Variants in HDLBP observed in about 807,000 individuals in gnomAD.
HDLBP encodes high density lipoprotein binding protein.
Under a neutral mutation model 137.3 loss-of-function variants are expected in HDLBP, and 30 were observed. The ratio of observed to expected loss-of-function variants is 0.22; its 90% confidence interval spans 0.16 to 0.30. The LOEUF (loss-of-function observed/expected upper bound fraction) is 0.30, where lower values mean the gene tolerates loss of function less well. HDLBP is among the 10% of genes least tolerant of loss of function. The pLI is 1.00. For missense variants in HDLBP, 1,119 were observed against 1,667.3 expected (o/e 0.67, Z 5.73); for synonymous variants, 606 against 596.0 (o/e 1.02, Z -0.24).
chr2:241,267,659 A>C (rs1473109602), intron 2 of HDLBP: 4 of 1,535,570 alleles, frequency 2.6e-6, no homozygotes, highest in East Asian at 2.4e-5. Context: ...CCAGGCCCCA[A>C]ACTAAACCAC....
In HDLBP at chr2:241,277,095, T is replaced by G. The variant is rs1441298362; in HGVS notation, c.-102-8554A>C. Among the ~76,000 whole-genome samples the G allele has an allele frequency of 2.0e-5, 3 of 152,142 alleles. No homozygotes were observed. In the East Asian group the frequency reaches 5.8e-4, roughly 29 times the overall value. On this transcript the variant is annotated intron_variant, in intron 1 of 27. Transcript: ENST00000310931. ...TAAAAATTTAAAGACTATATAAGTT[T>G]TAAAACTTGCTTCTAAGTAACTCAT...
intron 1 of HDLBP, among the ~76,000 whole-genome samples, chr2:241,279,012 GAGA>G (rs1184955587): frequency 1.3e-5 from 2 of 152,106 alleles, no homozygotes. Context: ...GCAACAGCGT[GAGA>G]CTCTGTCCCC....
intron 12 of HDLBP, 81 bp downstream of exon 12, chr2:241,249,760 C>T (rs1306990610): frequency 8.0e-6 from 11 of 1,381,172 alleles, no homozygotes; most frequent in African/African-American, 1.4e-5. Context: ...TAAGGCCGCA[C>T]ACCACAACAC....
chr2:241,309,841 G>A (rs2075709993), intron 1 of HDLBP, among the ~76,000 whole-genome samples: 1 of 152,192 alleles, frequency 6.6e-6, no homozygotes, highest in Admixed American at 6.5e-5. Context: ...CTCCTCACTT[G>A]GCCACTCAGC....
At chr2:241,265,449 C>T (rs1056879571) in intron 3 of HDLBP, among the ~76,000 whole-genome samples, 2 of 152,160 alleles carry the variant, frequency 1.3e-5, no homozygotes, top group Non-Finnish European at 2.9e-5. Flanking sequence ...CAATTGTCAC[C>T]GCTGATCTCC....
chr2:241,288,132 C>T (rs58226367), intron 1 of HDLBP, among the ~76,000 whole-genome samples: 48,314 of 152,144 alleles, frequency 0.32, 8,408 homozygotes, highest in East Asian at 0.51. Context: ...AAAGAGGACA[C>T]TTAAGTATCA....
intron 16 of HDLBP, among the ~76,000 whole-genome samples, chr2:241,244,643 G>A (rs2071524333): frequency 6.6e-6 from 1 of 152,222 alleles, no homozygotes; most frequent in South Asian, 2.1e-4. Flanking sequence ...TGTGAAAGAA[G>A]TCATTACCGG....
At chr2:241,247,907 G>T in intron 14 of HDLBP, 96 bp downstream of exon 14, 1 of 829,396 alleles carries the variant, frequency 1.2e-6, no homozygotes, top group Non-Finnish European at 2.0e-6. Context: ...GCTTTCCCCA[G>T]AGCAGGGGTC....
At chr2:241,250,348 G>T in intron 11 of HDLBP, 1 of 170,826 alleles carries the variant, frequency 5.9e-6, no homozygotes, top group East Asian at 1.6e-4. Context: ...CAGTAAGTTT[G>T]GGAACTACTA....
chr2:241,304,489 C>T (rs2075504109), intron 1 of HDLBP, among the ~76,000 whole-genome samples: 5 of 152,242 alleles, frequency 3.3e-5, no homozygotes, highest in Admixed American at 3.3e-4. Flanking sequence ...TGGACTTGGT[C>T]CCAGTGCTAA....
chr2:241,270,495 C>T (rs924934598), intron 1 of HDLBP, among the ~76,000 whole-genome samples: 3 of 152,218 alleles, frequency 2.0e-5, no homozygotes, highest in Non-Finnish European at 4.4e-5. Context: ...AACCTGTTTT[C>T]GAAGACTGCG....
chr2:241,272,796 T>A lies in HDLBP; in HGVS notation c.-102-4255A>T. ...CCGCCCGCTGGTCCTGCCGCTGGCT[T>A]ACTCGCCCCCCGCGCGGGAGAAGCC... is the stretch of plus-strand genomic sequence containing the variant. On this transcript the variant is annotated intron_variant, in intron 1 of 27. Coordinates refer to ENST00000310931, the MANE Select transcript of HDLBP (RefSeq NM_005336.6). This position sits in a 1 kb window ranked among gnomAD's most constrained non-coding sequence, Gnocchi z 5.6. The A allele has an allele frequency of 3.7e-6, 1 of 272,640 alleles. No individual in the cohort carries two copies. The highest frequency in any genetic ancestry group is 5.6e-6 in the Non-Finnish European group (1 of 180,112). 16.9% of individuals were successfully genotyped at this position (272,640 alleles called of 1,614,324 possible).
rs1044460913 is a variant in HDLBP, at chr2:241,230,370, G to A, written c.3475-101C>T. The A allele has an allele frequency of 1.0e-4, 82 of 793,904 alleles. No individual in the cohort carries two copies. The highest frequency in any genetic ancestry group is 1.4e-4 in the Non-Finnish European group (66 of 485,354). 49.2% of individuals were successfully genotyped at this position (793,904 alleles called of 1,614,324 possible). ...TGAAGCATTTTCTGAGTTAGCAAAC[G>A]TTTTAAAATCTGGTTTCAGAGTTGT... is the stretch of plus-strand genomic sequence containing the variant. On this transcript the variant is annotated intron_variant, in intron 25 of 27. Coordinates refer to ENST00000310931, the MANE Select transcript of HDLBP (RefSeq NM_005336.6). The surrounding 1 kb of genome is among the most constrained non-coding windows in gnomAD (Gnocchi z 5.0).
In HDLBP at chr2:241,272,288, C is replaced by A. The variant is rs1179129864; in HGVS notation, c.-102-3747G>T. ...AGGACCCCGCTGGCCTCCCAGGGAC[C>A]CCCACCCTGGCCGCACACGGCGCCC... On this transcript the variant is annotated intron_variant, in intron 1 of 27. Coordinates refer to ENST00000310931, the MANE Select transcript of HDLBP (RefSeq NM_005336.6). The surrounding 1 kb of genome is among the most constrained non-coding windows in gnomAD (Gnocchi z 5.6). 6 of 978,582 alleles carry A rather than the reference C, an allele frequency of 6.1e-6. No homozygotes were observed. Among genetic ancestry groups the A allele is most frequent in the African/African-American group, 5.3e-5 (3 of 57,028 alleles). 60.6% of individuals were successfully genotyped at this position (978,582 alleles called of 1,614,324 possible).
chr2:241,247,104 T>C lies in HDLBP; in HGVS notation c.1770A>G (p.Lys590=), dbSNP rs1297376041. 2 of 1,613,628 alleles carry C rather than the reference T, an allele frequency of 1.2e-6. No homozygotes were observed. The highest frequency in any genetic ancestry group is 2.2e-5 in the South Asian group (2 of 91,070). ...TCCCAATGATATTCTTGTGAAACTGTTTGAAGATCGGAACAGAAATTGAAT... is the reference window on the plus strand; with the variant it reads ...TCCCAATGATATTCTTGTGAAACTGCTTGAAGATCGGAACAGAAATTGAAT... ...NSYSISVPIF[K]QFHKNIIGKG... is the part of the protein sequence containing the mutation. The change falls in exon 15 of 28, where the codon AAA becomes AAG. Residue 590 remains lysine, a synonymous_variant. Coordinates refer to ENST00000310931, the MANE Select transcript of HDLBP (RefSeq NM_005336.6).
chr2:241,252,940 C>A lies in HDLBP; in HGVS notation c.1372+17G>T. On this transcript the variant is annotated intron_variant, in intron 11 of 27. Transcript: ENST00000310931. ...TCAGGGCACACTGGCCCCACCGCAA[C>A]AGACAGCCTCACTCACTGTTGGCAC... is the stretch of plus-strand genomic sequence containing the variant. 1 of 1,587,114 alleles carries A rather than the reference C, an allele frequency of 6.3e-7. No homozygotes were observed. The highest frequency in any genetic ancestry group is 8.6e-7 in the Non-Finnish European group (1 of 1,156,756).
chr2:241,276,020 A>G (rs2074376259), intron 1 of HDLBP, among the ~76,000 whole-genome samples: 1 of 152,208 alleles, frequency 6.6e-6, no homozygotes, highest in South Asian at 2.1e-4. Context: ...AATATCAACA[A>G]TAAAATTTGA....
At chr2:241,266,266 G>A (rs979995745) in intron 3 of HDLBP, among the ~76,000 whole-genome samples, 3 of 152,116 alleles carry the variant, frequency 2.0e-5, no homozygotes. Flanking sequence ...CAGTGTATTA[G>A]ACATATTGGG....
intron 1 of HDLBP, among the ~76,000 whole-genome samples, chr2:241,287,559 A>G (rs1049808196): frequency 1.3e-5 from 2 of 151,872 alleles, no homozygotes; most frequent in Non-Finnish European, 2.9e-5. Flanking sequence ...TAGCTGGACT[A>G]CAGGTGTGCG....
Sources: allele counts gnomAD v4.1 joint callset (sites outside exome capture counted in the v4.1 genomes callset), GRCh38; gene constraint gnomAD v4.1.1; non-coding constraint Gnocchi (gnomAD v3.1); transcripts MANE v1.5; gene names NCBI Gene and HGNC (gene_info 2026-07-23, HGNC 2026-07-21).